Variants in SCML4 observed in about 807,000 individuals in gnomAD.
SCML4 encodes the protein sex comb on midleg-like protein 4.
A neutral mutation model predicts 41.1 loss-of-function variants in SCML4; 34 were observed. The observed-to-expected ratio is 0.83, with a 90% CI of 0.63 to 1.10. The LOEUF (loss-of-function observed/expected upper bound fraction) is 1.10. SCML4 is among the 50% of genes least tolerant of loss of function. The pLI is 0.00. For synonymous variants in SCML4, 214 were observed against 220.9 expected (o/e 0.97, Z 0.28); for missense variants, 522 against 534.1 (o/e 0.98, Z 0.22).
At chr6:107,722,794 T>C (rs551501142) in intron 5 of SCML4, among the ~76,000 whole-genome samples, 30 of 152,282 alleles carry the variant, frequency 2.0e-4, no homozygotes, top group Non-Finnish European at 2.1e-4. Context: ...TACAGATAAG[T>C]AGTGGCTAGA....
chr6:107,715,155 A>T (rs1273808798), intron 6 of SCML4, among the ~76,000 whole-genome samples: 1 of 142,316 alleles, frequency 7.0e-6, no homozygotes, highest in Non-Finnish European at 1.5e-5. Context: ...TTGTATTTTT[A>T]GTAGGGACGG....
intron 2 of SCML4, chr6:107,755,776 T>C: frequency 3.1e-6 from 1 of 327,530 alleles, no homozygotes; most frequent in Non-Finnish European, 5.2e-6. Flanking sequence ...AAAAAACTCC[T>C]TGCAGACATG....
At chr6:107,705,388 C>T in intron 7 of SCML4, 63 bp from the exon 8 acceptor site, 2 of 1,505,918 alleles carry the variant, frequency 1.3e-6, no homozygotes, top group African/African-American at 1.4e-5. Flanking sequence ...CGAACAGTGG[C>T]TAAGGTTAAG....
chr6:107,795,262 T>C (rs1306583464), intron 1 of SCML4, among the ~76,000 whole-genome samples: 2 of 152,246 alleles, frequency 1.3e-5, no homozygotes, highest in Non-Finnish European at 1.5e-5. Context: ...TGCTATATCC[T>C]TGGGGAAGAT....
chr6:107,707,702 C>A (rs146465296), intron 7 of SCML4, among the ~76,000 whole-genome samples, 164 bp downstream of exon 7: 68 of 152,288 alleles, frequency 4.5e-4, no homozygotes, highest in African/African-American at 1.6e-3. Context: ...TGTGGTTGTA[C>A]CTGTCCCTCT....
intron 5 of SCML4, among the ~76,000 whole-genome samples, chr6:107,725,264 C>A (rs1229113625): frequency 1.3e-5 from 2 of 152,022 alleles, no homozygotes; most frequent in African/African-American, 2.4e-5. Flanking sequence ...TTGATCTTTA[C>A]AAATTATATG....
intron 6 of SCML4, chr6:107,719,017 G>C (rs1387070161): frequency 1.3e-5 from 2 of 152,176 alleles, no homozygotes; most frequent in African/African-American, 4.8e-5. Context: ...GCTAACACTG[G>C]GGACAAACCT....
intron 5 of SCML4, among the ~76,000 whole-genome samples, chr6:107,734,006 C>G (rs1337600850): frequency 6.6e-6 from 1 of 152,136 alleles, no homozygotes; most frequent in Non-Finnish European, 1.5e-5. Flanking sequence ...AGGGACTGTT[C>G]GCCTCATGGA....
At chr6:107,803,238 C>T (rs1479219032) in intron 1 of SCML4, among the ~76,000 whole-genome samples, 11 of 141,622 alleles carry the variant, frequency 7.8e-5, no homozygotes, top group East Asian at 2.2e-4. Flanking sequence ...TCTGCCCGGC[C>T]GCCCTGTCTG....
At chr6:107,808,410 C>G (rs1783907776) in intron 1 of SCML4, among the ~76,000 whole-genome samples, 1 of 150,828 alleles carries the variant, frequency 6.6e-6, no homozygotes, top group Non-Finnish European at 1.5e-5. Flanking sequence ...GTGAAGAGTG[C>G]TGGTTTGTTT....
At chr6:107,726,921 G>T (rs1204822147) in intron 5 of SCML4, among the ~76,000 whole-genome samples, 1 of 152,100 alleles carries the variant, frequency 6.6e-6, no homozygotes, top group African/African-American at 2.4e-5. Context: ...AAAAAGAAAT[G>T]AAAACAAATG....
the SCML4 span, among the ~76,000 whole-genome samples, chr6:107,836,518 C>G: frequency 1.3e-5 from 2 of 152,190 alleles, no homozygotes; most frequent in South Asian, 4.1e-4. Flanking sequence ...AGCTTACCAA[C>G]TCCATGGGGC....
At position 107,725,904 on chromosome 6, in the gene SCML4, C is replaced by T. The variant is rs1296775689; in HGVS notation, c.683-4911G>A. On this transcript the variant is annotated intron_variant, in intron 5 of 7. Coordinates refer to ENST00000369020, the MANE Select transcript of SCML4 (RefSeq NM_198081.5). ...CCAGCTTGGCCAACACAGTGAAACC[C>T]CGTCTCTACTAAAAATACAAAAATA... Among the ~76,000 whole-genome samples, 17 of 151,588 alleles carry T rather than the reference C, an allele frequency of 1.1e-4. No homozygotes were observed. In the East Asian group the frequency reaches 2.8e-3, roughly 25 times the overall value.
the SCML4 span, among the ~76,000 whole-genome samples, chr6:107,834,679 C>T: frequency 1.3e-5 from 2 of 152,308 alleles, no homozygotes; most frequent in Non-Finnish European, 2.9e-5. Context: ...GGCACAGTGG[C>T]TCACACCTGT....
chr6:107,804,114 G>A (rs542213481), intron 1 of SCML4, among the ~76,000 whole-genome samples: 9 of 151,290 alleles, frequency 5.9e-5, no homozygotes, highest in South Asian at 2.1e-4. Flanking sequence ...GCAAGATGTG[G>A]AGTCACTGGG....
intron 2 of SCML4, 127 bp downstream of exon 2, chr6:107,772,045 G>A: frequency 2.8e-6 from 2 of 714,284 alleles, no homozygotes; most frequent in Non-Finnish European, 4.4e-6. Context: ...TTCACCGAGG[G>A]AGGCTTATTT....
At chr6:107,713,464 G>GC (rs1220730278) in intron 6 of SCML4, among the ~76,000 whole-genome samples, 2 of 152,224 alleles carry the variant, frequency 1.3e-5, no homozygotes, top group African/African-American at 4.8e-5. Flanking sequence ...GCTGAAGGCT[G>GC]CATCAGTGTG....
chr6:107,745,975 A>C (rs1044570923), intron 4 of SCML4: 2 of 151,744 alleles, frequency 1.3e-5, no homozygotes, highest in East Asian at 3.9e-4. Flanking sequence ...CCTAGGCGAC[A>C]GAGTGAGATC....
intron 2 of SCML4, chr6:107,755,666 T>TAA (rs11433930): frequency 6.5e-3 from 6,866 of 1,055,556 alleles, no homozygotes; most frequent in Middle Eastern, 8.6e-3. Context: ...CTTAGGTTTC[T>TAA]AAAAAAAAAA....
Sources: gnomAD v4.1 joint callset for allele counts (sites outside exome capture counted in the v4.1 genomes callset) on GRCh38, gnomAD v4.1.1 for gene constraint, MANE v1.5 for transcripts, NCBI Gene and HGNC (gene_info 2026-07-23, HGNC 2026-07-21) for gene names.